The following SELENOT variants were observed in gnomAD, a reference collection of about 807,000 sequenced individuals.
SELENOT encodes the protein selenoprotein T.
In SELENOT, 9 loss-of-function variants were observed where a neutral mutation model predicts 24.3. That is an observed-to-expected ratio of 0.37 (90% CI 0.22 to 0.65). SELENOT has a LOEUF of 0.65. SELENOT is among the 30% of genes least tolerant of loss of function. The pLI, the probability that SELENOT is intolerant of heterozygous loss-of-function variation, is 0.60. For synonymous variants in SELENOT, 81 were observed against 86.0 expected (o/e 0.94, Z 0.32); for missense variants, 166 against 247.6 (o/e 0.67, Z 2.21).
rs185285351 is a variant in SELENOT, at chr3:150,626,256, A to C, written c.464-754A>C. 4.2e-3 allele frequency among the ~76,000 whole-genome samples: 638 copies of C among 152,324 alleles called. 3 individuals carry two copies. The highest frequency in any genetic ancestry group is 8.7e-3 in the South Asian group (42 of 4,830). ...ATTAAATGACTTGACTTTGTTCTCA[A>C]GATAAAGACCAGAACATTTAATCTG... On this transcript the variant is annotated intron_variant, in intron 4 of 5. Transcript: ENST00000471696.
intron 1 of SELENOT, among the ~76,000 whole-genome samples, chr3:150,617,099 T>C (rs954130656): frequency 3.3e-5 from 5 of 152,216 alleles, no homozygotes; most frequent in African/African-American, 1.2e-4. Context: ...CCAGTTGTAA[T>C]AGAAAAAGCA....
At chr3:150,627,466 T>A (rs1259093006) in intron 5 of SELENOT, among the ~76,000 whole-genome samples, 193 bp from the exon 6 acceptor site, 7 of 152,228 alleles carry the variant, frequency 4.6e-5, no homozygotes, top group Admixed American at 2.6e-4. Context: ...TTCCTGTCCT[T>A]ACCTTCAAGT....
chr3:150,623,201 GT>G, intron 3 of SELENOT, 32 bp downstream of exon 3: 1 of 1,529,674 alleles, frequency 6.5e-7, no homozygotes, highest in Non-Finnish European at 8.8e-7. Flanking sequence ...GTAACTGTAG[GT>G]TTTTATGTTG....
In SELENOT at chr3:150,628,434, A is replaced by G. The variant is rs1726487569; in HGVS notation, c.*805A>G. On this transcript the variant is annotated 3_prime_UTR_variant, in exon 6 of 6. Transcript: ENST00000471696. ...GTACCTGTTAACATTATATTTAACA[A>G]TTGCTTAAATTTTTGTTTTTGATTT... 1 of 152,622 alleles carries G rather than the reference A, an allele frequency of 6.6e-6. No individual in the cohort carries two copies. The highest frequency in any genetic ancestry group is 1.5e-5 in the Non-Finnish European group (1 of 68,018). 9.5% of individuals were successfully genotyped at this position (152,622 alleles called of 1,614,324 possible). A position where few individuals can be genotyped will look rare whatever the true frequency, so the allele number is the denominator to read the frequency against.
In SELENOT at chr3:150,627,863, C is replaced by A. The variant is rs1017792195; in HGVS notation, c.*234C>A. The stretch of plus-strand genomic sequence containing the variant: ...GTGCAATAATACTGTATAGCTTTCC[C>A]CACCTCCCACAAAATCACCCAGTTA... On this transcript the variant is annotated 3_prime_UTR_variant, in exon 6 of 6. Coordinates refer to ENST00000471696, the MANE Select transcript of SELENOT (RefSeq NM_016275.5). The A allele has an allele frequency of 1.3e-5, 2 of 152,102 alleles. No individual in the cohort carries two copies. The highest frequency in any genetic ancestry group is 4.8e-5 in the African/African-American group (2 of 41,374). 9.4% of individuals were successfully genotyped at this position (152,102 alleles called of 1,614,324 possible). A position where few individuals can be genotyped will look rare whatever the true frequency, so the allele number is the denominator to read the frequency against.
intron 1 of SELENOT, 104 bp from the exon 2 acceptor site, chr3:150,622,281 T>C (rs1726359775): frequency 8.5e-6 from 4 of 469,826 alleles, no homozygotes; most frequent in Non-Finnish European, 1.5e-5. Flanking sequence ...GTGACTGATT[T>C]TGAGAAAAAT....
At chr3:150,620,615 T>C (rs2108012657) in intron 1 of SELENOT, among the ~76,000 whole-genome samples, 1 of 152,350 alleles carries the variant, frequency 6.6e-6, no homozygotes, top group Admixed American at 6.5e-5. Flanking sequence ...ACGTTATCTC[T>C]CTGGGTTTCA....
Position 150,627,002 on chromosome 3 carries a change from T to G in SELENOT, c.464-8T>G. ...TTTTTTGGGGGGCGGTGCCATTTAT[T>G]TTTATAGATGTACCTGTGTGGTCTA... On this transcript the variant is annotated splice_region_variant and splice_polypyrimidine_tract_variant and intron_variant, in intron 4 of 5. Transcript: ENST00000471696. 1 of 1,605,614 alleles carries G rather than the reference T, an allele frequency of 6.2e-7. No individual in the cohort carries two copies. The highest frequency in any genetic ancestry group is 1.1e-5 in the South Asian group (1 of 89,216).
chr3:150,606,023 C>G (rs540407009), intron 1 of SELENOT, among the ~76,000 whole-genome samples: 1 of 152,044 alleles, frequency 6.6e-6, no homozygotes, highest in Non-Finnish European at 1.5e-5. Flanking sequence ...AATATATCAC[C>G]TGGTAATTGT....
At chr3:150,622,309 T>G (rs1198359021) in intron 1 of SELENOT, 76 bp from the exon 2 acceptor site, 3 of 609,174 alleles carry the variant, frequency 4.9e-6, no homozygotes, top group Non-Finnish European at 7.6e-6. Flanking sequence ...CTTGATAATT[T>G]TTAGGCTTTA....
intron 1 of SELENOT, among the ~76,000 whole-genome samples, chr3:150,612,238 G>A (rs1726112583): frequency 6.6e-6 from 1 of 152,050 alleles, no homozygotes; most frequent in Admixed American, 6.6e-5. Flanking sequence ...GATTACAGGC[G>A]CCCGCCACCG....
At chr3:150,626,867 A>G (rs41267891) in intron 4 of SELENOT, 143 bp from the exon 5 acceptor site, 18,104 of 701,708 alleles carry the variant, frequency 0.026, 330 homozygotes, top group Non-Finnish European at 0.032. Context: ...ACTGGAATGT[A>G]AAGTCCCTGA....
chr3:150,603,612 G>C, intron 1 of SELENOT, 113 bp downstream of exon 1: 1 of 1,263,258 alleles, frequency 7.9e-7, no homozygotes. Flanking sequence ...TGGCCTCGTA[G>C]AACTGTGCCG....
chr3:150,607,173 G>C (rs549856471), intron 1 of SELENOT, among the ~76,000 whole-genome samples: 46 of 152,258 alleles, frequency 3.0e-4, no homozygotes, highest in African/African-American at 1.1e-3. Context: ...GATTTTCAAA[G>C]TTTTGTTAGT....
intron 1 of SELENOT, among the ~76,000 whole-genome samples, chr3:150,616,859 T>C (rs1311770099): frequency 6.6e-6 from 1 of 152,238 alleles, no homozygotes; most frequent in East Asian, 1.9e-4. Flanking sequence ...CAGGCTGGTT[T>C]CAAACTCCTG....
rs554202176 is a variant in SELENOT at position 150,614,944 on chromosome 3, C to A, written c.138-7441C>A. ...GTTAGTTACATACGTATACATGTGC[C>A]ATGCTGGTGTGCTGCACCCACTAAC... On this transcript the variant is annotated intron_variant, in intron 1 of 5. Coordinates refer to ENST00000471696, the MANE Select transcript of SELENOT (RefSeq NM_016275.5). Among the ~76,000 whole-genome samples the A allele has an allele frequency of 1.8e-3, 267 of 149,834 alleles. 1 individual carries two copies. The highest frequency in any genetic ancestry group is 3.9e-4 in the Non-Finnish European group (26 of 67,502).
intron 3 of SELENOT, among the ~76,000 whole-genome samples, chr3:150,624,022 G>A (rs1045974807): frequency 1.4e-4 from 21 of 151,752 alleles, no homozygotes; most frequent in African/African-American, 4.8e-4. Flanking sequence ...TCCAGTAACA[G>A]GCAGGACTTC....
intron 1 of SELENOT, among the ~76,000 whole-genome samples, chr3:150,605,032 C>T (rs1379777430): frequency 2.5e-4 from 27 of 106,988 alleles, no homozygotes; most frequent in Non-Finnish European, 4.4e-4. Flanking sequence ...AGCGAAACTC[C>T]GTCTCAAAAA....
Position 150,603,327 on chromosome 3 carries a change from T to G in SELENOT, c.-36T>G, listed in dbSNP as rs1725885140. On this transcript the variant is annotated 5_prime_UTR_variant, in exon 1 of 6. Coordinates refer to ENST00000471696, the MANE Select transcript of SELENOT (RefSeq NM_016275.5). ...CCTGGGCTTTGGGCTGGCTGCAGTC[T>G]GTCTGAGGGCGGCCGAAGTGGCTGG... The G allele has an allele frequency of 1.3e-6, 2 of 1,593,708 alleles. No individual in the cohort carries two copies. The highest frequency in any genetic ancestry group is 1.7e-6 in the Non-Finnish European group (2 of 1,165,536).
Sources: gnomAD v4.1 joint callset for allele counts (sites outside exome capture counted in the v4.1 genomes callset) on GRCh38, gnomAD v4.1.1 for gene constraint, MANE v1.5 for transcripts, NCBI Gene and HGNC (gene_info 2026-07-23, HGNC 2026-07-21) for gene names.